The following SUN1 variants were observed in gnomAD, a reference collection of about 807,000 sequenced individuals.
SUN1 encodes SUN domain-containing protein 1.
SUN1 carries 61 observed loss-of-function variants against 103.2 expected under a neutral mutation model. The ratio of observed to expected loss-of-function variants is 0.59; its 90% CI spans 0.48 to 0.73. The LOEUF is 0.73. Among genes scored for constraint, SUN1 ranks in the 30% least tolerant of loss-of-function variants. The pLI, the probability that SUN1 is intolerant of heterozygous loss-of-function variation, is 0.00. For missense variants in SUN1, 1,052 were observed against 1,034.6 expected (o/e 1.02, Z -0.23); for synonymous variants, 490 against 425.7 (o/e 1.15, Z -1.86).
In SUN1 at chr7:853,584, C is replaced by T. The variant is rs963866352; in HGVS notation, c.1229C>T (p.Ser410Leu). The T allele has an allele frequency of 2.5e-5, 40 of 1,607,004 alleles. No homozygotes were observed. The highest frequency in any genetic ancestry group is 3.0e-5 in the Non-Finnish European group (35 of 1,179,944). ...MEGGAAGPSA[S>L]VRDAVGQPPR... ...GGCGGCGCTGCCGGGCCGTCAGCTT[C>T]GGTCAGAGACGCTGTGGGACAGCCC... is the stretch of plus-strand genomic sequence containing the variant. The change falls in exon 10 of 19, where the codon TCG becomes TTG. Residue 410 changes from serine to leucine, a missense_variant. By Grantham distance (145) the Ser-to-Leu change is moderately radical. Around this residue, in one of 2 missense-constraint regions of SUN1, gnomAD observed 846 missense variants for 774.5 expected, o/e 1.09. Coordinates refer to ENST00000401592, the MANE Select transcript of SUN1 (RefSeq NM_001130965.3).
At chr7:821,236 C>A (rs12668639) in intron 1 of SUN1, among the ~76,000 whole-genome samples, 1 of 123,232 alleles carries the variant, frequency 8.1e-6, no homozygotes, top group South Asian at 2.7e-4. Flanking sequence ...GTGGAGCGAT[C>A]TCGGCTCACT....
chr7:856,498 C>T, intron 12 of SUN1, 97 bp downstream of exon 12: 1 of 1,436,424 alleles, frequency 7.0e-7, no homozygotes, highest in Non-Finnish European at 9.8e-7. Flanking sequence ...CCGGGGCCGG[C>T]CTCCCCCGAG....
At chr7:851,895 G>T (rs1469170640) in intron 6 of SUN1, 55 bp from the exon 7 acceptor site, 2 of 1,579,432 alleles carry the variant, frequency 1.3e-6, no homozygotes, top group Admixed American at 3.4e-5. Context: ...GTCCATTTAG[G>T]AGCTTGGTTT....
At chr7:820,107 A>G (rs964730771) in intron 1 of SUN1, among the ~76,000 whole-genome samples, 27 of 152,182 alleles carry the variant, frequency 1.8e-4, no homozygotes, top group Admixed American at 6.5e-5. Context: ...CATATTTGCA[A>G]AAAAGACCAT....
rs1232614322 is a variant in SUN1, at chr7:866,127, C to T, written c.1980+60C>T. 2.6e-5 allele frequency: 38 copies of T among 1,452,062 alleles called. No individual in the cohort carries two copies. The East Asian group carries it at 4.1e-4, about 16-fold the overall frequency. The allele number at this position is 1,452,062 out of a possible 1,614,324, so 89.9% of individuals were successfully genotyped here. A position where few individuals can be genotyped will look rare whatever the true frequency, so the allele number is the denominator to read the frequency against. The stretch of plus-strand genomic sequence containing the variant: ...TCAGCATGGACTCGGTTAGTGTTCA[C>T]GGGTCGTAGGTCCACAGCTCCATGG... On this transcript the variant is annotated intron_variant, in intron 16 of 18. Coordinates refer to ENST00000401592, the MANE Select transcript of SUN1 (RefSeq NM_001130965.3).
At chr7:815,964 A>G (rs1173534615), upstream of SUN1, 2 of 205,136 alleles carry the variant, frequency 9.7e-6, no homozygotes, top group Non-Finnish European at 2.1e-5. Flanking sequence ...TGCCTCCCGG[A>G]GCCGCAGCTG....
At chr7:825,160 G>A (rs552919203) in intron 1 of SUN1, among the ~76,000 whole-genome samples, 6 of 151,960 alleles carry the variant, frequency 3.9e-5, no homozygotes, top group East Asian at 1.9e-4. Flanking sequence ...CCGGGTTCAC[G>A]CCATTCTCCT....
chr7:820,380 AT>A (rs1421085210), intron 1 of SUN1, among the ~76,000 whole-genome samples: 3 of 152,144 alleles, frequency 2.0e-5, no homozygotes, highest in Non-Finnish European at 4.4e-5. Flanking sequence ...CAGATTGTTC[AT>A]TGCTAGTGTG....
At chr7:820,131 G>A (rs968176988) in intron 1 of SUN1, among the ~76,000 whole-genome samples, 2 of 152,170 alleles carry the variant, frequency 1.3e-5, no homozygotes, top group African/African-American at 4.8e-5. Flanking sequence ...GGTTTTGATA[G>A]AGATAGTATT....
chr7:837,853 A>G (rs1584418718), intron 1 of SUN1, among the ~76,000 whole-genome samples: 1 of 152,224 alleles, frequency 6.6e-6, no homozygotes, highest in African/African-American at 2.4e-5. Context: ...CTTAAACTAG[A>G]ATCACAATTG....
intron 3 of SUN1, chr7:842,618 G>A (rs1811240049): frequency 5.2e-6 from 1 of 191,688 alleles, no homozygotes; most frequent in African/African-American, 2.4e-5. Flanking sequence ...CTGACGTGGA[G>A]TCTGGGCAGT....
intron 6 of SUN1, 61 bp downstream of exon 6, chr7:851,543 C>A: frequency 8.4e-7 from 1 of 1,185,316 alleles, no homozygotes; most frequent in Non-Finnish European, 1.1e-6. Flanking sequence ...TAAGCACCTG[C>A]ACTCGATTTA....
intron 15 of SUN1, 61 bp downstream of exon 15, chr7:861,525 C>T: frequency 1.1e-5 from 17 of 1,558,648 alleles, no homozygotes; most frequent in Non-Finnish European, 1.4e-5. Flanking sequence ...GGGGTGTGCA[C>T]TTGAGAGGCT....
chr7:826,207 G>A lies in SUN1; in HGVS notation c.-74+9534G>A, dbSNP rs556373466. ...ACGCCCCTGGCACTCTAGCCTGGGCGACAGAATGAGACCCTGTCTCTTAAA... is the reference window on the plus strand; with the variant it reads ...ACGCCCCTGGCACTCTAGCCTGGGCAACAGAATGAGACCCTGTCTCTTAAA... On this transcript the variant is annotated intron_variant, in intron 1 of 17. Transcript: ENST00000389574. Among the ~76,000 whole-genome samples the A allele has an allele frequency of 5.3e-5, 8 of 150,842 alleles. No homozygotes were observed. In the South Asian group the frequency reaches 1.1e-3, roughly 20 times the overall value.
chr7:852,274 C>A (rs1822941892), intron 7 of SUN1: 1 of 603,224 alleles, frequency 1.7e-6, no homozygotes, highest in Non-Finnish European at 2.9e-6. Context: ...GCTGGGAGGG[C>A]CTGGGCAGGA....
upstream of SUN1, among the ~76,000 whole-genome samples, chr7:831,455 A>G (rs1430935524): frequency 2.0e-5 from 3 of 152,046 alleles, no homozygotes; most frequent in Non-Finnish European, 4.4e-5. Context: ...TATTTTTAGT[A>G]GAGACGGGGT....
chr7:854,340 C>T (rs987556006), intron 10 of SUN1, among the ~76,000 whole-genome samples: 2 of 152,262 alleles, frequency 1.3e-5, no homozygotes, highest in African/African-American at 4.8e-5. Flanking sequence ...CTCTAGCTCA[C>T]GTTTGCGTCT....
chr7:870,605 AAG>A (rs1279048756), intron 17 of SUN1, among the ~76,000 whole-genome samples: 1 of 152,198 alleles, frequency 6.6e-6, no homozygotes, highest in Non-Finnish European at 1.5e-5. Context: ...AAGGAAAAAA[AAG>A]AGGAAATTGT....
upstream of SUN1, among the ~76,000 whole-genome samples, chr7:829,544 A>T (rs1354216040): frequency 2.1e-5 from 3 of 141,992 alleles, no homozygotes; most frequent in East Asian, 4.4e-4. Context: ...AAGAAAAATA[A>T]CTGGTTTTTT....
Sources: allele counts gnomAD v4.1 joint callset (sites outside exome capture counted in the v4.1 genomes callset), GRCh38; gene constraint gnomAD v4.1.1; regional missense constraint gnomAD v4.1.1; transcripts MANE v1.5; gene names NCBI Gene and HGNC (gene_info 2026-07-23, HGNC 2026-07-21).